Variants in MACROD2 observed in about 807,000 individuals in gnomAD.
The protein encoded by MACROD2 is mono-ADP ribosylhydrolase 2, also known as ADP-ribose glycohydrolase MACROD2.
Under a neutral mutation model 70.4 loss-of-function variants are expected in MACROD2, and 36 were observed. The ratio of observed to expected loss-of-function variants is 0.51; its 90% CI spans 0.39 to 0.68. MACROD2 has a LOEUF of 0.68. Ranked by LOEUF, MACROD2 falls within the 30% of genes least tolerant of loss-of-function variation. MACROD2 has a pLI of 0.00. For synonymous variants in MACROD2, 172 were observed against 178.8 expected (o/e 0.96, Z 0.30); for missense variants, 496 against 538.4 (o/e 0.92, Z 0.78).
At chr20:14,932,003 TAAAAAAA>T (rs11483683) in intron 5 of MACROD2, among the ~76,000 whole-genome samples, 57,633 of 136,032 alleles carry the variant, frequency 0.42, 11,517 homozygotes, top group South Asian at 0.56. Context: ...CCCTGTTTCT[TAAAAAAA>T]AAAAAAAAAA....
intron 8 of MACROD2, among the ~76,000 whole-genome samples, chr20:15,663,258 CAG>C: frequency 7.5e-6 from 1 of 133,944 alleles, no homozygotes; most frequent in South Asian, 2.3e-4. Context: ...TTTTTTGAGA[CAG>C]AGTCTTGCTC....
chr20:14,805,593 G>T (rs1212154954), intron 5 of MACROD2, among the ~76,000 whole-genome samples: 1 of 152,034 alleles, frequency 6.6e-6, no homozygotes, highest in Non-Finnish European at 1.5e-5. Context: ...TAAAGAATTT[G>T]CCAAAAAAGA....
chr20:15,794,543 A>AT (rs1004340141), intron 8 of MACROD2, among the ~76,000 whole-genome samples: 2 of 152,030 alleles, frequency 1.3e-5, no homozygotes, highest in Non-Finnish European at 2.9e-5. Flanking sequence ...TACCAAGACC[A>AT]TTTTTTCTCC....
At chr20:14,180,744 A>G (rs1243129290) in intron 3 of MACROD2, among the ~76,000 whole-genome samples, 1 of 152,086 alleles carries the variant, frequency 6.6e-6, no homozygotes, top group Non-Finnish European at 1.5e-5. Context: ...TCAGTAGTAG[A>G]ATAAAAGTGC....
chr20:15,989,664 A>C (rs1483684837), intron 15 of MACROD2, among the ~76,000 whole-genome samples: 1 of 152,152 alleles, frequency 6.6e-6, no homozygotes, highest in African/African-American at 2.4e-5. Flanking sequence ...TTTTGTATTC[A>C]CAAAATAGTG....
At chr20:14,200,257 C>G (rs2081468115) in intron 3 of MACROD2, among the ~76,000 whole-genome samples, 1 of 152,098 alleles carries the variant, frequency 6.6e-6, no homozygotes, top group Non-Finnish European at 1.5e-5. Flanking sequence ...GGCCATTATC[C>G]TTAGCAAACT....
At chr20:14,483,626 G>A (rs1051329263) in intron 3 of MACROD2, among the ~76,000 whole-genome samples, 7 of 152,046 alleles carry the variant, frequency 4.6e-5, no homozygotes, top group African/African-American at 1.4e-4. Context: ...CACTGGTCTC[G>A]AACTCCCGAC....
At chr20:14,046,061 T>G (rs1016811395) in intron 2 of MACROD2, among the ~76,000 whole-genome samples, 4 of 152,124 alleles carry the variant, frequency 2.6e-5, no homozygotes, top group Non-Finnish European at 4.4e-5. Flanking sequence ...AGACTCACAG[T>G]TGGTGTCCAA....
intron 12 of MACROD2, among the ~76,000 whole-genome samples, chr20:15,967,153 T>C (rs747848837): frequency 6.6e-5 from 10 of 152,160 alleles, no homozygotes; most frequent in Non-Finnish European, 1.5e-4. Context: ...TTTCAAGGAC[T>C]CAAGACTCCC....
intron 3 of MACROD2, among the ~76,000 whole-genome samples, chr20:14,217,409 A>T (rs147731888): frequency 1.9e-3 from 286 of 152,124 alleles, no homozygotes; most frequent in African/African-American, 6.6e-3. Flanking sequence ...TTCGGTTAGC[A>T]AGTATTTTGT....
chr20:14,026,540 T>C (rs1642822602), intron 2 of MACROD2, among the ~76,000 whole-genome samples: 1 of 152,242 alleles, frequency 6.6e-6, no homozygotes, highest in South Asian at 2.1e-4. Flanking sequence ...GCAGGCCTGA[T>C]GGTGATAAAG....
intron 5 of MACROD2, among the ~76,000 whole-genome samples, chr20:14,981,140 A>G (rs1360916123): frequency 6.6e-6 from 1 of 151,950 alleles, no homozygotes; most frequent in African/African-American, 2.4e-5. Context: ...GAAAAAAACA[A>G]GGATCCCCAT....
intron 5 of MACROD2, among the ~76,000 whole-genome samples, chr20:15,105,518 G>A (rs2075904137): frequency 6.6e-6 from 1 of 152,046 alleles, no homozygotes; most frequent in African/African-American, 2.4e-5. Flanking sequence ...AGGGTATTGG[G>A]GTGCTGATAC....
At chr20:14,139,736 A>T (rs1056955788) in intron 3 of MACROD2, among the ~76,000 whole-genome samples, 45 of 152,318 alleles carry the variant, frequency 3.0e-4, no homozygotes, top group African/African-American at 8.4e-4. Flanking sequence ...ACAGCATATT[A>T]CAAGAAAGTC....
chr20:14,689,160 C>G (rs1266017110), intron 5 of MACROD2, among the ~76,000 whole-genome samples: 1 of 152,196 alleles, frequency 6.6e-6, no homozygotes, highest in Non-Finnish European at 1.5e-5. Context: ...TAGATACCTA[C>G]ATGGCTTGTT....
chr20:15,326,856 A>C (rs920071105), intron 6 of MACROD2, among the ~76,000 whole-genome samples: 3 of 152,164 alleles, frequency 2.0e-5, no homozygotes, highest in Admixed American at 6.6e-5. Context: ...GGGTGAGGGA[A>C]GAGTTAAACT....
chr20:14,278,608 T>C (rs1241777525), intron 3 of MACROD2, among the ~76,000 whole-genome samples: 2 of 152,178 alleles, frequency 1.3e-5, no homozygotes, highest in East Asian at 1.9e-4. Context: ...TAAAGAAATA[T>C]GTTTGCATAA....
chr20:14,429,687 G>A (rs148451996), intron 3 of MACROD2, among the ~76,000 whole-genome samples: 1 of 152,148 alleles, frequency 6.6e-6, no homozygotes, highest in Non-Finnish European at 1.5e-5. Flanking sequence ...CTGCCTTTGG[G>A]CTTTCTCTGG....
intron 8 of MACROD2, among the ~76,000 whole-genome samples, chr20:15,737,111 A>G (rs908156057): frequency 3.9e-5 from 6 of 152,220 alleles, no homozygotes; most frequent in African/African-American, 1.4e-4. Context: ...AGTGAGAAAG[A>G]AAGAAGAAAC....
Sources: allele counts gnomAD v4.1 joint callset (sites outside exome capture counted in the v4.1 genomes callset), GRCh38; gene constraint gnomAD v4.1.1; transcripts MANE v1.5; gene names NCBI Gene and HGNC (gene_info 2026-07-23, HGNC 2026-07-21).